The following PPP1R42 variants were observed in gnomAD, a reference collection of about 807,000 sequenced individuals.
PPP1R42 encodes protein phosphatase 1 regulatory subunit 42.
Under a neutral mutation model 31.0 loss-of-function variants are expected in PPP1R42, and 34 were observed. The ratio of observed to expected loss-of-function variants is 1.10; its 90% CI spans 0.83 to 1.46. The LOEUF is 1.46. Ranked by LOEUF, PPP1R42 falls within the 40% of genes most tolerant of loss-of-function variation. PPP1R42 has a pLI of 0.00. For missense variants in PPP1R42, 268 were observed against 303.0 expected (o/e 0.88, Z 0.86); for synonymous variants, 103 against 109.8 (o/e 0.94, Z 0.39).
At chr8:67,020,921 A>G (rs1036152191) in intron 1 of PPP1R42, among the ~76,000 whole-genome samples, 7 of 152,230 alleles carry the variant, frequency 4.6e-5, no homozygotes, top group African/African-American at 1.7e-4. Context: ...ACTGCACTCC[A>G]GCCTGGGTGA....
chr8:66,975,397 C>G lies in PPP1R42; in HGVS notation c.802+6652G>C, dbSNP rs149898144. Among the ~76,000 whole-genome samples, 290 of 152,266 alleles carry G rather than the reference C, an allele frequency of 1.9e-3. 1 individual carries two copies. Among genetic ancestry groups the G allele is most frequent in the African/African-American group, 6.7e-3 (277 of 41,554 alleles). The stretch of plus-strand genomic sequence containing the variant: ...GCGCAGTGGCTCATGCCTGTAATCC[C>G]AGGACTTTGGAAGGCCAAGGTGGGT... On this transcript the variant is annotated intron_variant, in intron 7 of 7. Coordinates refer to ENST00000685739, the MANE Select transcript of PPP1R42 (RefSeq NM_001364910.1).
chr8:67,000,192 A>G, intron 5 of PPP1R42, among the ~76,000 whole-genome samples: 2 of 151,580 alleles, frequency 1.3e-5, no homozygotes, highest in Non-Finnish European at 2.9e-5. Flanking sequence ...TTGCTGCTTG[A>G]GGTACAAGAT....
At chr8:66,985,141 GT>G in intron 6 of PPP1R42, 3 of 1,165,402 alleles carry the variant, frequency 2.6e-6, no homozygotes, top group Non-Finnish European at 3.9e-6. Flanking sequence ...ATGGATGTCT[GT>G]TTTTTGAGCT....
chr8:67,023,751 G>A (rs951580425), intron 1 of PPP1R42, among the ~76,000 whole-genome samples: 18 of 151,646 alleles, frequency 1.2e-4, no homozygotes, highest in African/African-American at 4.4e-4. Flanking sequence ...TTGTCTTATT[G>A]CTGATCTCAA....
At chr8:66,975,273 C>A (rs1814636272) in intron 7 of PPP1R42, among the ~76,000 whole-genome samples, 1 of 152,082 alleles carries the variant, frequency 6.6e-6, no homozygotes, top group African/African-American at 2.4e-5. Context: ...GTATTTTATT[C>A]TTTTGTTGTT....
intron 5 of PPP1R42, among the ~76,000 whole-genome samples, chr8:66,992,145 T>C (rs933083886): frequency 6.6e-6 from 1 of 152,186 alleles, no homozygotes; most frequent in African/African-American, 2.4e-5. Flanking sequence ...CTCCATGGCT[T>C]TGTGATTCTA....
At chr8:67,019,219 C>T (rs1816126427) in intron 1 of PPP1R42, among the ~76,000 whole-genome samples, 1 of 148,506 alleles carries the variant, frequency 6.7e-6, no homozygotes, top group Admixed American at 6.7e-5. Context: ...TGCACCACTA[C>T]GCCTGGTTTA....
At chr8:66,974,859 G>T (rs1185214055) in intron 7 of PPP1R42, among the ~76,000 whole-genome samples, 2 of 152,006 alleles carry the variant, frequency 1.3e-5, no homozygotes, top group Non-Finnish European at 2.9e-5. Context: ...CCTGTCTTCT[G>T]CCAGTACCAT....
At chr8:67,002,902 C>T (rs1293586947) in intron 5 of PPP1R42, among the ~76,000 whole-genome samples, 2 of 150,984 alleles carry the variant, frequency 1.3e-5, no homozygotes, top group South Asian at 2.1e-4. Flanking sequence ...GCCTGTAATC[C>T]CAGCACTTTG....
intron 5 of PPP1R42, among the ~76,000 whole-genome samples, chr8:67,002,692 T>C (rs1815531961): frequency 6.6e-6 from 1 of 150,416 alleles, no homozygotes; most frequent in Non-Finnish European, 1.5e-5. Context: ...TGTTTTGTTT[T>C]GAGATAGGGG....
chr8:67,021,501 T>C (rs146452867), intron 1 of PPP1R42, among the ~76,000 whole-genome samples: 87 of 152,288 alleles, frequency 5.7e-4, no homozygotes, highest in African/African-American at 1.9e-3. Context: ...TCAAATATGA[T>C]ACTATATTCT....
At chr8:66,995,424 T>C (rs1317937073) in intron 5 of PPP1R42, among the ~76,000 whole-genome samples, 1 of 152,236 alleles carries the variant, frequency 6.6e-6, no homozygotes, top group East Asian at 1.9e-4. Flanking sequence ...TCCTTGGATA[T>C]CTTCACTCTA....
At chr8:67,023,204 A>T (rs142536925) in intron 1 of PPP1R42, among the ~76,000 whole-genome samples, 2 of 147,050 alleles carry the variant, frequency 1.4e-5, no homozygotes, top group African/African-American at 5.3e-5. Flanking sequence ...TCCATCTCCC[A>T]GTCTCAAGGG....
At position 67,014,443 on chromosome 8, in the gene PPP1R42, T is replaced by C; in HGVS notation, c.279A>G (p.Leu93=). ...GCACTTACAGTTTTTCCAGTTTCTT[T>C]AATGACCTGAGGTTCTCTATACATG... The part of the protein sequence containing the change: ...CISCIENLRS[L]KKLEKLYLGG... Residue 93 remains leucine (L), a synonymous_variant, in exon 3 of 8, where the codon TTA becomes TTG. Transcript: ENST00000685739. The C allele has an allele frequency of 6.6e-7, 1 of 1,511,432 alleles. No homozygotes were observed. Among genetic ancestry groups the C allele is most frequent in the Non-Finnish European group, 8.8e-7 (1 of 1,134,088 alleles). The allele number at this position is 1,511,432 out of a possible 1,614,324, so 93.6% of individuals were successfully genotyped here. A position where few individuals can be genotyped will look rare whatever the true frequency, so the allele number is the denominator to read the frequency against.
chr8:66,973,372 C>T (rs1002361689), intron 7 of PPP1R42, among the ~76,000 whole-genome samples: 12 of 151,698 alleles, frequency 7.9e-5, no homozygotes, highest in East Asian at 1.9e-4. Context: ...GGTGCCATCT[C>T]GGCTCACTGC....
At chr8:66,977,238 C>T (rs1015235947) in intron 7 of PPP1R42, among the ~76,000 whole-genome samples, 1 of 151,242 alleles carries the variant, frequency 6.6e-6, no homozygotes, top group Non-Finnish European at 1.5e-5. Flanking sequence ...GTTTCACCAT[C>T]TTGGCTAGGC....
In PPP1R42 at chr8:67,017,738, G is replaced by A. The variant is rs1816060354; in HGVS notation, c.10C>T (p.Leu4=). Residue 4 remains leucine, a synonymous_variant, in exon 2 of 8, where the codon CTG becomes TTG. Coordinates refer to ENST00000685739, the MANE Select transcript of PPP1R42 (RefSeq NM_001364910.1). MVR[L]TLDLIARNSN... ...TTTCTGGCAATTAGATCCAAGGTCA[G>A]TCGAACCATAATTTCTTTATAAATC... The A allele has an allele frequency of 1.3e-6, 2 of 1,585,246 alleles. No homozygotes were observed. Among genetic ancestry groups the A allele is most frequent in the African/African-American group, 1.4e-5 (1 of 73,876 alleles).
intron 7 of PPP1R42, among the ~76,000 whole-genome samples, chr8:66,964,924 C>G (rs1251906677): frequency 2.0e-5 from 3 of 151,964 alleles, no homozygotes; most frequent in African/African-American, 7.3e-5. Context: ...TTGTGCTGAC[C>G]CTTTGCAGTC....
intron 1 of PPP1R42, among the ~76,000 whole-genome samples, 196 bp from the exon 2 acceptor site, chr8:67,018,027 C>T (rs981971342): frequency 7.2e-5 from 11 of 152,050 alleles, no homozygotes; most frequent in South Asian, 2.1e-4. Flanking sequence ...CAAAATTAAA[C>T]GCACAATACT....
Sources: gnomAD v4.1 joint callset for allele counts (sites outside exome capture counted in the v4.1 genomes callset) on GRCh38, gnomAD v4.1.1 for gene constraint, MANE v1.5 for transcripts, NCBI Gene and HGNC (gene_info 2026-07-23, HGNC 2026-07-21) for gene names.